Variants in CCDC141 observed in about 807,000 individuals in gnomAD.
CCDC141 encodes the protein coiled-coil domain containing 141.
In CCDC141, 168 loss-of-function variants were observed where a neutral mutation model predicts 181.0. The ratio of observed to expected loss-of-function variants is 0.93; its 90% CI spans 0.82 to 1.05. The LOEUF (loss-of-function observed/expected upper bound fraction) is 1.05. CCDC141 is among the 50% of genes least tolerant of loss of function. The pLI, the probability that CCDC141 is intolerant of heterozygous loss-of-function variation, is 0.00. For synonymous variants in CCDC141, 666 were observed against 642.3 expected (o/e 1.04, Z -0.56); for missense variants, 1,902 against 1,788.5 (o/e 1.06, Z -1.14).
chr2:178,992,200 T>G (rs1463512422), intron 2 of CCDC141, among the ~76,000 whole-genome samples: 3 of 151,964 alleles, frequency 2.0e-5, no homozygotes, highest in Non-Finnish European at 4.4e-5. Flanking sequence ...TCTCTAGGTA[T>G]TTACCTAGGG....
At chr2:179,015,453 T>TGTC (rs1431845034) in intron 2 of CCDC141, among the ~76,000 whole-genome samples, 1 of 127,522 alleles carries the variant, frequency 7.8e-6, no homozygotes, top group Non-Finnish European at 1.6e-5. Flanking sequence ...CTCATATATG[T>TGTC]ACCATATATA....
chr2:178,869,391 A>AAGAG, intron 14 of CCDC141, 86 bp from the exon 15 acceptor site: 4 of 922,590 alleles, frequency 4.3e-6, no homozygotes, highest in Non-Finnish European at 6.2e-6. Context: ...TAAACAATGA[A>AAGAG]TCACTCTTTC....
At chr2:179,027,921 T>C (rs529099996) in intron 2 of CCDC141, among the ~76,000 whole-genome samples, 1 of 152,322 alleles carries the variant, frequency 6.6e-6, no homozygotes, top group South Asian at 2.1e-4. Context: ...TGTTGTTCCC[T>C]TCTTTGCATC....
At chr2:179,019,859 T>G (rs112605998) in intron 2 of CCDC141, among the ~76,000 whole-genome samples, 5,092 of 152,148 alleles carry the variant, frequency 0.033, 99 homozygotes, top group South Asian at 0.059. Flanking sequence ...CTCAACCTCC[T>G]GGGCTCAAGC....
At chr2:178,964,354 C>T (rs934932931) in intron 4 of CCDC141, among the ~76,000 whole-genome samples, 2 of 152,190 alleles carry the variant, frequency 1.3e-5, no homozygotes, top group African/African-American at 4.8e-5. Flanking sequence ...AACTCTTACA[C>T]ATTAGACTTT....
intron 14 of CCDC141, 45 bp from the exon 15 acceptor site, chr2:178,869,350 T>C: frequency 1.4e-6 from 2 of 1,424,296 alleles, no homozygotes; most frequent in South Asian, 1.4e-5. Flanking sequence ...TTAAAGAACT[T>C]TTTTACTTTA....
At chr2:178,896,175 C>A (rs1413893136) in intron 8 of CCDC141, among the ~76,000 whole-genome samples, 1 of 152,188 alleles carries the variant, frequency 6.6e-6, no homozygotes, top group Non-Finnish European at 1.5e-5. Flanking sequence ...TTCATCTTGG[C>A]TCGAAGATGT....
At chr2:178,993,792 AGGCATTG>A (rs544097752) in intron 2 of CCDC141, among the ~76,000 whole-genome samples, 58 of 152,326 alleles carry the variant, frequency 3.8e-4, no homozygotes, top group African/African-American at 1.4e-3. Flanking sequence ...ATGGGAGTAC[AGGCATTG>A]GGTTAAATAC....
At chr2:178,950,075 A>G (rs1689887486) in intron 5 of CCDC141, among the ~76,000 whole-genome samples, 2 of 152,250 alleles carry the variant, frequency 1.3e-5, no homozygotes, top group South Asian at 4.1e-4. Flanking sequence ...GGAGATGAAA[A>G]TCTCATCAAA....
At chr2:179,012,601 CCTAATTCATT>C (rs2042301760) in intron 2 of CCDC141, among the ~76,000 whole-genome samples, 1 of 151,708 alleles carries the variant, frequency 6.6e-6, no homozygotes, top group South Asian at 2.1e-4. Context: ...AGGAACCCTC[CCTAATTCATT>C]CTATGAAGCC....
chr2:178,852,023 G>A (rs939608238), intron 20 of CCDC141, among the ~76,000 whole-genome samples: 2 of 152,188 alleles, frequency 1.3e-5, no homozygotes, highest in Non-Finnish European at 2.9e-5. Flanking sequence ...TACTCATTCA[G>A]TGATTCATTT....
intron 2 of CCDC141, among the ~76,000 whole-genome samples, chr2:179,022,367 A>G (rs188028603): frequency 6.6e-6 from 1 of 152,300 alleles, no homozygotes; most frequent in Non-Finnish European, 1.5e-5. Context: ...GAACAATAGG[A>G]AGTTTTTGTA....
At chr2:178,839,804 A>T (rs982779827) in intron 22 of CCDC141, among the ~76,000 whole-genome samples, 2 of 152,020 alleles carry the variant, frequency 1.3e-5, no homozygotes, top group African/African-American at 4.8e-5. Flanking sequence ...TTAAATTACT[A>T]ATTGCCCCTC....
chr2:178,995,795 A>G (rs1049710000), intron 2 of CCDC141, among the ~76,000 whole-genome samples: 4 of 152,206 alleles, frequency 2.6e-5, no homozygotes, highest in African/African-American at 9.6e-5. Context: ...CCAAAAGTGT[A>G]TATTTTCTTA....
At chr2:178,970,563 C>T (rs970180752) in intron 4 of CCDC141, among the ~76,000 whole-genome samples, 7 of 152,100 alleles carry the variant, frequency 4.6e-5, no homozygotes, top group African/African-American at 1.7e-4. Context: ...AACCTACTAG[C>T]CATATGCAGA....
At position 178,905,368 on chromosome 2, in the gene CCDC141, T is replaced by C; in HGVS notation, c.1226A>G (p.Gln409Arg). The change falls in exon 8 of 24, where the codon CAA becomes CGA. Residue 409 changes from glutamine to arginine, a missense_variant. By Grantham distance (43) the Gln-to-Arg change is conservative. Transcript: ENST00000443758. ...TTGGCTGATTAAGGTTTGTCCCTTTTGCAAAGCATCAGTTGTGCAGTCTTT... is the reference window on the plus strand; with the variant it reads ...TTGGCTGATTAAGGTTTGTCCCTTTCGCAAAGCATCAGTTGTGCAGTCTTT... ...KIKDCTTDAL[Q>R]KGQTLISQVD... is the part of the protein sequence containing the mutation. The C allele has an allele frequency of 6.5e-7, 1 of 1,550,330 alleles. No individual in the cohort carries two copies.
intron 8 of CCDC141, among the ~76,000 whole-genome samples, chr2:178,894,098 T>C (rs1687295197): frequency 6.6e-6 from 1 of 152,262 alleles, no homozygotes; most frequent in African/African-American, 2.4e-5. Flanking sequence ...CCAACAGCTA[T>C]GAGGGCCATG....
intron 3 of CCDC141, among the ~76,000 whole-genome samples, chr2:178,977,755 G>C (rs1691186207): frequency 6.6e-6 from 1 of 152,168 alleles, no homozygotes; most frequent in African/African-American, 2.4e-5. Flanking sequence ...ACATCAAAAT[G>C]AATGGGCTGC....
chr2:178,988,174 A>G (rs1289952461), intron 2 of CCDC141, among the ~76,000 whole-genome samples: 1 of 152,136 alleles, frequency 6.6e-6, no homozygotes, highest in Admixed American at 6.6e-5. Context: ...TTGTAGGGAC[A>G]TGTATGAAAT....
Sources: allele counts gnomAD v4.1 joint callset (sites outside exome capture counted in the v4.1 genomes callset), GRCh38; gene constraint gnomAD v4.1.1; transcripts MANE v1.5; gene names NCBI Gene and HGNC (gene_info 2026-07-23, HGNC 2026-07-21).